The following STK3 variants were observed in gnomAD, a reference collection of about 807,000 sequenced individuals.
The protein encoded by STK3 is serine/threonine-protein kinase 3.
A neutral mutation model predicts 58.0 loss-of-function variants in STK3; 41 were observed. That is an observed-to-expected ratio of 0.71 (90% confidence interval 0.55 to 0.92). STK3 has a LOEUF of 0.92. Among genes scored for constraint, STK3 ranks in the 40% least tolerant of loss-of-function variants. STK3 has a pLI of 0.00. For missense variants in STK3, 479 were observed against 602.7 expected, an observed-to-expected ratio of 0.79 and a Z score of 2.15; for synonymous variants, 170 against 191.0, an observed-to-expected ratio of 0.89 and a Z score of 0.91.
chr8:98,383,475 C>T (rs1215413913), intron 1 of STK3, among the ~76,000 whole-genome samples: 3 of 152,204 alleles, frequency 2.0e-5, no homozygotes, highest in Non-Finnish European at 2.9e-5. Flanking sequence ...CTCCAACCTT[C>T]GAGCTGATTT....
chr8:98,849,756 C>T (rs1836370894), intron 3 of STK3, among the ~76,000 whole-genome samples: 1 of 152,010 alleles, frequency 6.6e-6, no homozygotes. Context: ...TCATAAATTG[C>T]TAACTGGCCC....
Position 98,579,758 on chromosome 8 carries a change from GATACA to G in STK3, c.849_853del (p.Val284AsnfsTer15). 6.3e-7 allele frequency: 1 copy of G among 1,594,470 alleles called. No individual in the cohort carries two copies. The highest frequency in any genetic ancestry group is 8.5e-7 in the Non-Finnish European group (1 of 1,174,024). ...TTCTGTGATCAGGTCTCTTAATATT[GATACA>G]GGTTTGGCATTCTTGATAAAAGGAT... is the stretch of plus-strand genomic sequence containing the variant. On this transcript the variant is annotated frameshift_variant, in exon 8 of 11. Coordinates refer to ENST00000419617, the MANE Select transcript of STK3 (RefSeq NM_006281.4). LOFTEE classifies it high-confidence loss of function.
chr8:98,390,092 T>G (rs1817834219), upstream of STK3, among the ~76,000 whole-genome samples: 1 of 152,186 alleles, frequency 6.6e-6, no homozygotes. Context: ...ATAAACTGTT[T>G]CCAGTCATTT....
intron 1 of STK3, among the ~76,000 whole-genome samples, chr8:98,784,495 C>T (rs1832329409): frequency 6.6e-6 from 1 of 152,228 alleles, no homozygotes; most frequent in Non-Finnish European, 1.5e-5. Context: ...TGCAGCAGGG[C>T]CCTCTCTGCT....
intron 1 of STK3, among the ~76,000 whole-genome samples, chr8:98,799,840 T>G (rs1344589584): frequency 6.6e-6 from 1 of 152,178 alleles, no homozygotes; most frequent in Admixed American, 6.5e-5. Flanking sequence ...AATAATGAAA[T>G]CTATCCTTAC....
chr8:98,569,645 T>C (rs1250935692), intron 8 of STK3, among the ~76,000 whole-genome samples: 1 of 152,070 alleles, frequency 6.6e-6, no homozygotes, highest in Non-Finnish European at 1.5e-5. Flanking sequence ...TTATTGGTTC[T>C]GAAAATCACA....
intron 1 of STK3, among the ~76,000 whole-genome samples, chr8:98,922,477 G>C (rs1457120414): frequency 6.6e-6 from 1 of 152,114 alleles, no homozygotes; most frequent in Non-Finnish European, 1.5e-5. Flanking sequence ...TTTCATAACT[G>C]GGACTTTTCT....
chr8:98,747,687 A>G (rs78819616), intron 4 of STK3, among the ~76,000 whole-genome samples: 3,675 of 152,312 alleles, frequency 0.024, 370 homozygotes, highest in East Asian at 0.19. Flanking sequence ...TATTCTTGAG[A>G]CTTAATAGGA....
At chr8:98,855,655 T>C (rs1484945393) in intron 3 of STK3, among the ~76,000 whole-genome samples, 1 of 152,168 alleles carries the variant, frequency 6.6e-6, no homozygotes, top group East Asian at 1.9e-4. Context: ...AAAAAATAGA[T>C]ATATTAGACA....
chr8:98,687,642 G>T (rs1238746220), intron 6 of STK3, among the ~76,000 whole-genome samples: 1 of 152,148 alleles, frequency 6.6e-6, no homozygotes, highest in East Asian at 1.9e-4. Context: ...ATTCTTAAAA[G>T]AAATGCCAGC....
intron 3 of STK3, among the ~76,000 whole-genome samples, chr8:98,876,217 T>A (rs1238473065): frequency 1.3e-5 from 2 of 152,180 alleles, no homozygotes; most frequent in Non-Finnish European, 2.9e-5. Context: ...CTAGCACGTT[T>A]AGGAACCTAG....
chr8:98,478,923 G>A (rs1458858800), intron 10 of STK3, among the ~76,000 whole-genome samples: 3 of 152,108 alleles, frequency 2.0e-5, no homozygotes, highest in South Asian at 2.1e-4. Flanking sequence ...CTTGTTCTGC[G>A]ATTTTCCTCT....
chr8:98,847,122 A>G (rs1315885878), intron 3 of STK3, among the ~76,000 whole-genome samples: 1 of 152,152 alleles, frequency 6.6e-6, no homozygotes, highest in Non-Finnish European at 1.5e-5. Flanking sequence ...CCAGCTACTC[A>G]GGAGGCTGAG....
At chr8:98,653,274 T>C (rs1328693136) in intron 6 of STK3, among the ~76,000 whole-genome samples, 3 of 152,136 alleles carry the variant, frequency 2.0e-5, no homozygotes, top group Non-Finnish European at 4.4e-5. Context: ...AAGACGTGCT[T>C]TGAAACCAAT....
chr8:98,386,282 G>T (rs906048028), intron 1 of STK3, among the ~76,000 whole-genome samples: 3 of 152,182 alleles, frequency 2.0e-5, no homozygotes, highest in Non-Finnish European at 4.4e-5. Context: ...ATTAATTGCA[G>T]CACTAGTTAT....
In STK3 at chr8:98,825,572, G is replaced by A. The variant is rs1351831760; in HGVS notation, c.-32C>T. 5.5e-6 allele frequency: 8 copies of A among 1,447,572 alleles called. 1 individual carries two copies. In the East Asian group the frequency reaches 2.2e-4, roughly 40 times the overall value. The allele number at this position is 1,447,572 out of a possible 1,614,324, so 89.7% of individuals were successfully genotyped here. A position where few individuals can be genotyped will look rare whatever the true frequency, so the allele number is the denominator to read the frequency against. ...CGGGGACAGAGAGAGGGACCTGGTG[G>A]ACGGCGAAGGCCGAAAGGAGGAAAG... is the stretch of plus-strand genomic sequence containing the variant. On this transcript the variant is annotated 5_prime_UTR_variant, in exon 1 of 11. Transcript: ENST00000419617.
chr8:98,513,791 C>G (rs965018248), intron 10 of STK3, among the ~76,000 whole-genome samples: 1 of 152,054 alleles, frequency 6.6e-6, no homozygotes, highest in Non-Finnish European at 1.5e-5. Context: ...TATGAGAGAA[C>G]CAGGACTGGG....
chr8:98,562,075 A>C (rs1204922972), intron 8 of STK3, among the ~76,000 whole-genome samples: 1 of 152,186 alleles, frequency 6.6e-6, no homozygotes, highest in African/African-American at 2.4e-5. Flanking sequence ...TAGGAATATA[A>C]AATGATACAA....
At chr8:98,764,288 C>A (rs944525851) in intron 3 of STK3, among the ~76,000 whole-genome samples, 3 of 152,160 alleles carry the variant, frequency 2.0e-5, no homozygotes, top group Non-Finnish European at 4.4e-5. Flanking sequence ...AGAATAAGTA[C>A]CTGATTTCCC....
Sources: allele counts gnomAD v4.1 joint callset (sites outside exome capture counted in the v4.1 genomes callset), GRCh38; gene constraint gnomAD v4.1.1; transcripts MANE v1.5; gene names NCBI Gene and HGNC (gene_info 2026-07-23, HGNC 2026-07-21).